Variants in INPP4B observed in about 807,000 individuals in gnomAD.
INPP4B encodes the protein inositol polyphosphate 4-phosphatase type II.
In INPP4B, 55 loss-of-function variants were observed where a neutral mutation model predicts 122.5. The ratio of observed to expected loss-of-function variants is 0.45; its 90% CI spans 0.36 to 0.56. The LOEUF is 0.56. Among genes scored for constraint, INPP4B ranks in the 20% least tolerant of loss-of-function variants. The pLI, the probability that INPP4B is intolerant of heterozygous loss-of-function variation, is 0.00. For missense variants in INPP4B, 1,000 were observed against 1,097.7 expected, an observed-to-expected ratio of 0.91 and a Z score of 1.26; for synonymous variants, 403 against 388.7, an observed-to-expected ratio of 1.04 and a Z score of -0.43.
chr4:142,525,687 T>C (rs1826812450), intron 2 of INPP4B, among the ~76,000 whole-genome samples: 1 of 122,028 alleles, frequency 8.2e-6, no homozygotes, highest in East Asian at 2.1e-4. Flanking sequence ...GCTAGCCATA[T>C]GTAGAAAGCT....
At chr4:142,604,293 AAG>A (rs1740727945) in intron 2 of INPP4B, among the ~76,000 whole-genome samples, 1 of 152,142 alleles carries the variant, frequency 6.6e-6, no homozygotes, top group Non-Finnish European at 1.5e-5. Context: ...AAAAAGTTGA[AAG>A]CTTTTCCTCT....
intron 3 of INPP4B, among the ~76,000 whole-genome samples, chr4:142,453,645 T>A (rs1206445288): frequency 6.6e-6 from 1 of 152,082 alleles, no homozygotes; most frequent in South Asian, 2.1e-4. Context: ...AACTAACTTT[T>A]CTCTTTCCCT....
intron 7 of INPP4B, among the ~76,000 whole-genome samples, chr4:142,380,599 T>C (rs1265371286): frequency 6.6e-6 from 1 of 152,180 alleles, no homozygotes; most frequent in Non-Finnish European, 1.5e-5. Flanking sequence ...ATTTATTTTA[T>C]TAGAAATAAT....
rs958154684 is a variant in INPP4B at position 142,537,187 on chromosome 4, C to G, written c.-190-74461G>C. On this transcript the variant is annotated intron_variant, in intron 2 of 25. Coordinates refer to ENST00000262992, the MANE Select transcript of INPP4B (RefSeq NM_001101669.3). The stretch of plus-strand genomic sequence containing the variant: ...ATATTCAAACTGAAAGCTTCAGAGT[C>G]CTGAGTGGCCAGTAAATATAGGCTT... Among the ~76,000 whole-genome samples the G allele has an allele frequency of 7.3e-5, 11 of 151,692 alleles. No homozygotes were observed. The East Asian group carries it at 2.1e-3, about 29-fold the overall frequency.
chr4:142,070,590 A>G lies in INPP4B; in HGVS notation c.2642+11441T>C, dbSNP rs149320681. Among the ~76,000 whole-genome samples the G allele has an allele frequency of 1.8e-4, 27 of 152,292 alleles. No individual in the cohort carries two copies. In the East Asian group the frequency reaches 4.8e-3, roughly 27 times the overall value. On this transcript the variant is annotated intron_variant, in intron 25 of 25. Transcript: ENST00000262992. ...CATGATTGTATATTTAGAAAACCCC[A>G]TCGTCTGAGCCCCAAATACCCTTAA...
chr4:142,742,427 C>A (rs183359528), intron 1 of INPP4B, among the ~76,000 whole-genome samples: 1 of 152,046 alleles, frequency 6.6e-6, no homozygotes, highest in Admixed American at 6.6e-5. Flanking sequence ...CTGAGAATCC[C>A]CATCTTGAGT....
intron 1 of INPP4B, among the ~76,000 whole-genome samples, chr4:142,798,127 TA>T (rs1433493925): frequency 3.3e-5 from 5 of 151,904 alleles, no homozygotes; most frequent in African/African-American, 1.2e-4. Context: ...TTACTGATAT[TA>T]CAAAAAGGCA....
chr4:142,763,947 T>A (rs1580859611), intron 1 of INPP4B, among the ~76,000 whole-genome samples: 1 of 152,270 alleles, frequency 6.6e-6, no homozygotes, highest in East Asian at 1.9e-4. Flanking sequence ...AACATATTCA[T>A]TGAGGCTGCC....
chr4:142,509,480 T>C (rs996107815), intron 2 of INPP4B, among the ~76,000 whole-genome samples: 1 of 152,150 alleles, frequency 6.6e-6, no homozygotes, highest in African/African-American at 2.4e-5. Flanking sequence ...ATGCAGTGTT[T>C]GGTTTTCTGT....
intron 7 of INPP4B, among the ~76,000 whole-genome samples, chr4:142,338,774 T>C (rs1399221080): frequency 6.6e-6 from 1 of 152,218 alleles, no homozygotes. Flanking sequence ...ATATTGGAAT[T>C]GGTGCCAAAT....
intron 1 of INPP4B, among the ~76,000 whole-genome samples, chr4:142,752,506 C>T (rs1448069590): frequency 6.6e-6 from 1 of 151,988 alleles, no homozygotes; most frequent in African/African-American, 2.4e-5. Flanking sequence ...AAGTGAACAC[C>T]CTGCTGGTTG....
chr4:142,748,375 A>T (rs1393598268), intron 1 of INPP4B, among the ~76,000 whole-genome samples: 1 of 152,074 alleles, frequency 6.6e-6, no homozygotes, highest in Non-Finnish European at 1.5e-5. Context: ...AAGAAAAGTA[A>T]TATCAAAAAT....
chr4:142,363,722 T>C (rs1786354843), intron 7 of INPP4B, among the ~76,000 whole-genome samples: 1 of 152,022 alleles, frequency 6.6e-6, no homozygotes, highest in African/African-American at 2.4e-5. Context: ...AAAAGAATGA[T>C]TAAGGTGGTG....
chr4:142,746,818 T>C (rs886263540), intron 1 of INPP4B, among the ~76,000 whole-genome samples: 23 of 152,260 alleles, frequency 1.5e-4, no homozygotes, highest in Admixed American at 8.5e-4. Context: ...TGGCTAGCCA[T>C]ATGCAGAAAG....
intron 1 of INPP4B, among the ~76,000 whole-genome samples, chr4:142,755,931 G>T (rs1220383852): frequency 1.3e-5 from 2 of 151,964 alleles, no homozygotes; most frequent in Non-Finnish European, 2.9e-5. Flanking sequence ...ACAGAATCTC[G>T]ATTTTGTTTA....
chr4:142,193,676 A>G (rs994183236), intron 14 of INPP4B, among the ~76,000 whole-genome samples: 1 of 152,200 alleles, frequency 6.6e-6, no homozygotes, highest in Non-Finnish European at 1.5e-5. Flanking sequence ...AAAAATCTAT[A>G]CAGAGTACTT....
intron 2 of INPP4B, among the ~76,000 whole-genome samples, chr4:142,520,610 A>T (rs781146453): frequency 6.6e-6 from 1 of 151,952 alleles, no homozygotes; most frequent in Non-Finnish European, 1.5e-5. Flanking sequence ...AGCATTCAAA[A>T]ATATTTAAAT....
At chr4:142,802,238 C>A (rs1201349797) in intron 1 of INPP4B, among the ~76,000 whole-genome samples, 2 of 152,162 alleles carry the variant, frequency 1.3e-5, no homozygotes, top group African/African-American at 4.8e-5. Context: ...ACCTGCAGGT[C>A]ACGGTAATTC....
chr4:142,725,815 A>G, intron 2 of INPP4B, 24 bp downstream of exon 2: 1 of 397,936 alleles, frequency 2.5e-6, no homozygotes, highest in Non-Finnish European at 4.4e-6. Flanking sequence ...GAATGAAAAA[A>G]TATCAATTCA....
Sources: allele counts gnomAD v4.1 joint callset (sites outside exome capture counted in the v4.1 genomes callset), GRCh38; gene constraint gnomAD v4.1.1; transcripts MANE v1.5; gene names NCBI Gene and HGNC (gene_info 2026-07-23, HGNC 2026-07-21).